The following CDH18 variants were observed in gnomAD, a reference collection of about 807,000 sequenced individuals.
The protein encoded by CDH18 is cadherin-18.
CDH18 carries 31 observed loss-of-function variants against 67.9 expected under a neutral mutation model. The ratio of observed to expected loss-of-function variants is 0.46; its 90% CI spans 0.34 to 0.62. The LOEUF is 0.62. Among genes scored for constraint, CDH18 ranks in the 20% least tolerant of loss-of-function variants. CDH18 has a pLI of 0.01. For missense variants in CDH18, 890 were observed against 975.5 expected (o/e 0.91, Z 1.17); for synonymous variants, 362 against 347.2 (o/e 1.04, Z -0.48).
At chr5:20,144,708 A>C (rs1349657805) in intron 2 of CDH18, among the ~76,000 whole-genome samples, 1 of 152,168 alleles carries the variant, frequency 6.6e-6, no homozygotes, top group Non-Finnish European at 1.5e-5. Flanking sequence ...TCTGTCCCGC[A>C]AAAATGTATG....
chr5:20,320,493 C>T (rs1206950663), intron 1 of CDH18, among the ~76,000 whole-genome samples: 1 of 152,138 alleles, frequency 6.6e-6, no homozygotes, highest in East Asian at 1.9e-4. Flanking sequence ...TGTTTGGAGC[C>T]ATCATATTTC....
intron 1 of CDH18, among the ~76,000 whole-genome samples, chr5:20,325,055 T>G (rs1179663876): frequency 6.6e-6 from 1 of 152,206 alleles, no homozygotes; most frequent in African/African-American, 2.4e-5. Context: ...TTGGGAATGA[T>G]AATAACACCT....
At chr5:20,139,687 C>A (rs1368746612) in intron 2 of CDH18, among the ~76,000 whole-genome samples, 5 of 152,190 alleles carry the variant, frequency 3.3e-5, no homozygotes, top group Admixed American at 1.3e-4. Flanking sequence ...CAGAAGAAGA[C>A]ATTCATGCAG....
chr5:20,081,345 G>A (rs1458941412), intron 2 of CDH18, among the ~76,000 whole-genome samples: 2 of 152,080 alleles, frequency 1.3e-5, no homozygotes, highest in African/African-American at 4.8e-5. Context: ...AAAGCATGTT[G>A]GCTCATACAC....
intron 2 of CDH18, among the ~76,000 whole-genome samples, chr5:20,003,168 T>C (rs1163210924): frequency 1.3e-5 from 2 of 152,102 alleles, no homozygotes; most frequent in Non-Finnish European, 2.9e-5. Flanking sequence ...TAAAACCAGT[T>C]AGGAGAGTCA....
intron 1 of CDH18, among the ~76,000 whole-genome samples, chr5:20,366,612 T>C (rs1479997602): frequency 1.3e-5 from 2 of 152,188 alleles, no homozygotes; most frequent in Non-Finnish European, 2.9e-5. Context: ...GCAAGCGGCT[T>C]TACCTCTTAA....
chr5:19,683,404 T>G (rs75073146), intron 5 of CDH18, among the ~76,000 whole-genome samples: 1,893 of 152,210 alleles, frequency 0.012, 38 homozygotes, highest in African/African-American at 0.043. Context: ...CCATGCTGGT[T>G]TAATCCTGAT....
chr5:20,537,962 C>T (rs918540426), intron 1 of CDH18, among the ~76,000 whole-genome samples: 1 of 152,028 alleles, frequency 6.6e-6, no homozygotes, highest in Admixed American at 6.6e-5. Flanking sequence ...ATAGGTATTT[C>T]CCAACAGAGC....
At chr5:20,100,817 T>A (rs1164268747) in intron 2 of CDH18, among the ~76,000 whole-genome samples, 2 of 152,136 alleles carry the variant, frequency 1.3e-5, no homozygotes, top group Non-Finnish European at 2.9e-5. Flanking sequence ...AAAAAAATTG[T>A]TTTCTCTTGG....
chr5:20,280,540 T>C (rs1316706321), intron 1 of CDH18, among the ~76,000 whole-genome samples: 1 of 152,192 alleles, frequency 6.6e-6, no homozygotes, highest in East Asian at 1.9e-4. Context: ...CATGAACTCA[T>C]CATTTTTTAT....
At chr5:19,860,206 G>A (rs987207159) in intron 2 of CDH18, among the ~76,000 whole-genome samples, 4 of 152,024 alleles carry the variant, frequency 2.6e-5, no homozygotes, top group Admixed American at 6.6e-5. Flanking sequence ...ACTAAACAGT[G>A]AATAGCCTTA....
At chr5:20,453,975 G>A (rs1392903711) in intron 1 of CDH18, among the ~76,000 whole-genome samples, 5 of 152,090 alleles carry the variant, frequency 3.3e-5, no homozygotes, top group African/African-American at 1.2e-4. Flanking sequence ...AGGCAAATAA[G>A]TCAGACTACT....
intron 2 of CDH18, among the ~76,000 whole-genome samples, chr5:20,157,191 GT>G (rs1561837090): frequency 1.3e-5 from 2 of 152,216 alleles, no homozygotes; most frequent in Middle Eastern, 3.4e-3. Flanking sequence ...TATTTCTAGA[GT>G]TTTTTATTTA....
chr5:19,558,469 C>T (rs1738849896), intron 8 of CDH18, among the ~76,000 whole-genome samples: 1 of 151,898 alleles, frequency 6.6e-6, no homozygotes, highest in Non-Finnish European at 1.5e-5. Context: ...GATAGTAGAA[C>T]TGATACCACA....
intron 2 of CDH18, among the ~76,000 whole-genome samples, chr5:19,977,384 A>C (rs1349767519): frequency 6.6e-6 from 1 of 152,120 alleles, no homozygotes; most frequent in African/African-American, 2.4e-5. Context: ...ATTACCTAGA[A>C]TTCAATTATT....
chr5:19,692,156 G>A (rs926407715), intron 5 of CDH18, among the ~76,000 whole-genome samples: 2 of 152,040 alleles, frequency 1.3e-5, no homozygotes, highest in Admixed American at 1.3e-4. Flanking sequence ...TCAATAAATG[G>A]TGCTAGGAAA....
chr5:20,073,068 TA>T (rs546465150), intron 2 of CDH18, among the ~76,000 whole-genome samples: 12 of 151,816 alleles, frequency 7.9e-5, no homozygotes, highest in African/African-American at 2.9e-4. Flanking sequence ...AACATGTACA[TA>T]AAAAAAACTT....
At chr5:20,323,077 C>G (rs1326108238) in intron 1 of CDH18, among the ~76,000 whole-genome samples, 1 of 152,046 alleles carries the variant, frequency 6.6e-6, no homozygotes, top group African/African-American at 2.4e-5. Flanking sequence ...GTTGTGAACA[C>G]ATTCTTAAAG....
At chr5:19,694,881 A>AAT (rs1230550756) in intron 5 of CDH18, among the ~76,000 whole-genome samples, 1 of 151,572 alleles carries the variant, frequency 6.6e-6, no homozygotes, top group Non-Finnish European at 1.5e-5. Context: ...CTCAAAAAAA[A>AAT]AAAAAAGATA....
Sources: allele counts gnomAD v4.1 joint callset (sites outside exome capture counted in the v4.1 genomes callset), GRCh38; gene constraint gnomAD v4.1.1; transcripts MANE v1.5; gene names NCBI Gene and HGNC (gene_info 2026-07-23, HGNC 2026-07-21).